Variants in TATDN1 observed in about 807,000 individuals in gnomAD.
The protein encoded by TATDN1 is deoxyribonuclease TATDN1.
In TATDN1, 40 loss-of-function variants were observed where a neutral mutation model predicts 46.4. The ratio of observed to expected loss-of-function variants is 0.86; its 90% CI spans 0.67 to 1.12. The LOEUF (loss-of-function observed/expected upper bound fraction) is 1.12. Ranked by LOEUF, TATDN1 falls within the 50% of genes most tolerant of loss-of-function variation. TATDN1 has a pLI of 0.00. For missense variants in TATDN1, 326 were observed against 348.4 expected (o/e 0.94, Z 0.51); for synonymous variants, 95 against 105.6 (o/e 0.90, Z 0.62).
chr8:124,494,116 A>G (rs1817254879), intron 10 of TATDN1, 157 bp from the exon 11 acceptor site: 3 of 658,890 alleles, frequency 4.6e-6, no homozygotes, highest in Non-Finnish European at 7.0e-6. Context: ...AAAGCACAAG[A>G]TAAAATCTTG....
chr8:124,505,885 G>A (rs944491783), intron 8 of TATDN1, among the ~76,000 whole-genome samples: 14 of 151,694 alleles, frequency 9.2e-5, no homozygotes, highest in African/African-American at 2.4e-4. Context: ...CATTAATATC[G>A]AAATCATTTT....
chr8:124,533,582 G>T (rs1461411786), intron 1 of TATDN1, among the ~76,000 whole-genome samples: 1 of 152,158 alleles, frequency 6.6e-6, no homozygotes, highest in Non-Finnish European at 1.5e-5. Flanking sequence ...GTTGGCTGAA[G>T]TCAGCAGAGG....
chr8:124,493,722 GA>G, intron 11 of TATDN1, 110 bp downstream of exon 11: 2 of 1,295,586 alleles, frequency 1.5e-6, no homozygotes, highest in Non-Finnish European at 1.1e-6. Context: ...TCTTGAACCT[GA>G]ACTTCACTTG....
At chr8:124,496,776 A>G (rs961332573) in intron 9 of TATDN1, among the ~76,000 whole-genome samples, 3 of 152,330 alleles carry the variant, frequency 2.0e-5, no homozygotes, top group Middle Eastern at 3.4e-3. Flanking sequence ...TTGTTATTAC[A>G]AAGAATTTAA....
At chr8:124,506,124 C>T (rs988114414) in intron 8 of TATDN1, among the ~76,000 whole-genome samples, 5 of 151,548 alleles carry the variant, frequency 3.3e-5, no homozygotes, top group African/African-American at 7.3e-5. Flanking sequence ...CGCTTGAGGT[C>T]AGGAGTTCAA....
intron 8 of TATDN1, among the ~76,000 whole-genome samples, chr8:124,506,706 T>C (rs1818465463): frequency 6.6e-6 from 1 of 152,232 alleles, no homozygotes; most frequent in Non-Finnish European, 1.5e-5. Flanking sequence ...ATTTCCTCTT[T>C]CCTTAGCAGG....
At chr8:124,535,740 TA>T (rs1821377971) in intron 1 of TATDN1, among the ~76,000 whole-genome samples, 1 of 152,208 alleles carries the variant, frequency 6.6e-6, no homozygotes, top group Non-Finnish European at 1.5e-5. Flanking sequence ...GGGTGATTTA[TA>T]AAGAAAAGAG....
At chr8:124,538,686 C>T (rs148923671) in intron 1 of TATDN1, among the ~76,000 whole-genome samples, 1 of 152,200 alleles carries the variant, frequency 6.6e-6, no homozygotes, top group African/African-American at 2.4e-5. Context: ...GGGGAAGGGC[C>T]GGGAGGTGCA....
chr8:124,497,813 T>C (rs1586568980), intron 9 of TATDN1, among the ~76,000 whole-genome samples: 1 of 152,220 alleles, frequency 6.6e-6, no homozygotes, highest in Non-Finnish European at 1.5e-5. Flanking sequence ...CCTTTACTTA[T>C]TAGAGTACTT....
chr8:124,508,926 G>A (rs1052262430), intron 6 of TATDN1, among the ~76,000 whole-genome samples: 1 of 152,134 alleles, frequency 6.6e-6, no homozygotes, highest in Non-Finnish European at 1.5e-5. Context: ...TTAATTTTCA[G>A]AAAGTAACAC....
At chr8:124,499,180 G>C (rs1817734376) in intron 9 of TATDN1, among the ~76,000 whole-genome samples, 1 of 151,874 alleles carries the variant, frequency 6.6e-6, no homozygotes, top group Admixed American at 6.6e-5. Flanking sequence ...AGGATTTTAG[G>C]AGGGGTGGGT....
intron 9 of TATDN1, among the ~76,000 whole-genome samples, chr8:124,496,773 T>C (rs1316224601): frequency 1.3e-5 from 2 of 152,214 alleles, no homozygotes; most frequent in Admixed American, 1.3e-4. Context: ...CATTTGTTAT[T>C]ACAAAGAATT....
intron 6 of TATDN1, among the ~76,000 whole-genome samples, chr8:124,515,043 G>A (rs1249020793): frequency 6.6e-6 from 1 of 152,088 alleles, no homozygotes; most frequent in Non-Finnish European, 1.5e-5. Flanking sequence ...TCCTGCCTCT[G>A]CCTCTCAAAC....
chr8:124,502,546 C>T (rs1015542297), intron 9 of TATDN1, among the ~76,000 whole-genome samples: 1 of 152,028 alleles, frequency 6.6e-6, no homozygotes, highest in Non-Finnish European at 1.5e-5. Flanking sequence ...AACTTAATTC[C>T]CATGAAAACA....
intron 3 of TATDN1, among the ~76,000 whole-genome samples, chr8:124,520,942 CAAAAAAAAAA>C: frequency 1.2e-5 from 1 of 82,256 alleles, no homozygotes. Context: ...GACTCCGTCT[CAAAAAAAAAA>C]AAAAAAAAAA....
chr8:124,523,425 A>G (rs541809397), intron 1 of TATDN1: 1 of 164,816 alleles, frequency 6.1e-6, no homozygotes, highest in African/African-American at 2.4e-5. Context: ...CAGCGGGAGC[A>G]AAGCCTTCAA....
rs116375781 is a variant in TATDN1 at position 124,519,640 on chromosome 8, A to C, written c.139-759T>G. Among the ~76,000 whole-genome samples, 456 of 152,322 alleles carry C rather than the reference A, an allele frequency of 3.0e-3. 1 individual carries two copies. The highest frequency in any genetic ancestry group is 0.01 in the African/African-American group (426 of 41,578). ...TCAGTAGGTAAGACTCACACAAACA[A>C]AAGCTCTTTGGGGGTCCTCAATAAT... On this transcript the variant is annotated intron_variant, in intron 3 of 11. Coordinates refer to ENST00000276692, the MANE Select transcript of TATDN1 (RefSeq NM_032026.4).
intron 6 of TATDN1, among the ~76,000 whole-genome samples, chr8:124,514,853 A>T (rs1028992787): frequency 1.3e-5 from 2 of 152,228 alleles, no homozygotes; most frequent in Admixed American, 6.5e-5. Context: ...CTCCTATTAA[A>T]GGAATCTCAC....
intron 1 of TATDN1, among the ~76,000 whole-genome samples, chr8:124,534,304 G>C (rs1821246148): frequency 6.6e-6 from 1 of 151,834 alleles, no homozygotes; most frequent in Admixed American, 6.6e-5. Flanking sequence ...AGAATATTTT[G>C]TGACACATCA....
Sources: gnomAD v4.1 joint callset for allele counts (sites outside exome capture counted in the v4.1 genomes callset) on GRCh38, gnomAD v4.1.1 for gene constraint, MANE v1.5 for transcripts, NCBI Gene and HGNC (gene_info 2026-07-23, HGNC 2026-07-21) for gene names.